The following DIP2C variants were observed in gnomAD, a reference collection of about 807,000 sequenced individuals.
The protein encoded by DIP2C is disco-interacting protein 2 homolog C.
A neutral mutation model predicts 192.4 loss-of-function variants in DIP2C; 33 were observed. The observed-to-expected ratio is 0.17, with a 90% CI of 0.13 to 0.23. The LOEUF is 0.23. DIP2C is among the 10% of genes least tolerant of loss of function. The pLI is 1.00. For synonymous variants in DIP2C, 979 were observed against 864.1 expected, an observed-to-expected ratio of 1.13 and a Z score of -2.33; for missense variants, 1,537 against 2,110.1, an observed-to-expected ratio of 0.73 and a Z score of 5.32.
In DIP2C at chr10:548,208, AC is replaced by A. The variant is rs33930610; in HGVS notation, c.86-61679del. Among the ~76,000 whole-genome samples the A allele has an allele frequency of 4.2e-3, 243 of 58,224 alleles. 5 individuals are homozygous for A. Among genetic ancestry groups the A allele is most frequent in the South Asian group, 6.4e-3 (8 of 1,258 alleles). 38.2% of individuals were successfully genotyped at this position (58,224 alleles called of 152,430 possible). ...AGTCCAATTCACACGAGTCTGCCCC[AC>A]CCCCCCCCCCACAGGAAAGCCCTGG... On this transcript the variant is annotated intron_variant, in intron 1 of 36. Transcript: ENST00000280886.
chr10:435,988 CAATT>C lies in DIP2C; in HGVS notation c.394+4879_394+4882del, dbSNP rs764237712. On this transcript the variant is annotated intron_variant, in intron 4 of 36. Coordinates refer to ENST00000280886, the MANE Select transcript of DIP2C (RefSeq NM_014974.3). ...ATATATATAAATATATAAACAGGTA[CAATT>C]AATTTTATTAATATACTTTTAACTC... is the stretch of plus-strand genomic sequence containing the variant. 4.0e-4 allele frequency among the ~76,000 whole-genome samples: 61 copies of C among 151,856 alleles called. 1 individual carries two copies. The highest frequency in any genetic ancestry group is 2.2e-4 in the African/African-American group (9 of 41,258).
chr10:619,521 A>G (rs1014799277), intron 1 of DIP2C, among the ~76,000 whole-genome samples: 2 of 110,172 alleles, frequency 1.8e-5, no homozygotes, highest in Admixed American at 8.6e-5. Context: ...TGCCAGGGCC[A>G]GGACCAAGCC....
intron 29 of DIP2C, among the ~76,000 whole-genome samples, chr10:336,923 G>A (rs1418761431): frequency 1.5e-4 from 5 of 34,238 alleles, no homozygotes; most frequent in Non-Finnish European, 4.6e-4. Flanking sequence ...TGTGTGTGTT[G>A]TGGAGGCCTA....
chr10:418,801 T>G (rs1278591679), intron 6 of DIP2C, among the ~76,000 whole-genome samples: 1 of 152,204 alleles, frequency 6.6e-6, no homozygotes, highest in Non-Finnish European at 1.5e-5. Context: ...CGGCAGCAAA[T>G]TCTAAAATTT....
At chr10:448,671 T>G (rs1331569752) in intron 3 of DIP2C, among the ~76,000 whole-genome samples, 1 of 99,218 alleles carries the variant, frequency 1.0e-5, no homozygotes, top group Non-Finnish European at 2.0e-5. Context: ...CACTCACCCC[T>G]GTCGATATTC....
intron 1 of DIP2C, among the ~76,000 whole-genome samples, chr10:656,789 T>C (rs1390609995): frequency 2.0e-5 from 3 of 151,982 alleles, no homozygotes; most frequent in Admixed American, 6.6e-5. Flanking sequence ...AAGGACAGAG[T>C]AGATTCCAGA....
intron 9 of DIP2C, among the ~76,000 whole-genome samples, chr10:407,139 T>C (rs149766107): frequency 6.6e-6 from 1 of 152,192 alleles, no homozygotes; most frequent in Non-Finnish European, 1.5e-5. Context: ...CTTTCTCCAT[T>C]GCAATCCCCG....
intron 1 of DIP2C, among the ~76,000 whole-genome samples, chr10:557,918 A>AAGGGGGAAACCCCAG (rs1175862793): frequency 1.2e-3 from 127 of 107,716 alleles, no homozygotes; most frequent in African/African-American, 5.1e-3. Context: ...GGGGGCGGGG[A>AAGGGGGAAACCCCAG]AGGGGGAAAC....
intron 21 of DIP2C, 35 bp from the exon 22 acceptor site, chr10:362,726 G>T: frequency 6.3e-7 from 1 of 1,574,866 alleles, no homozygotes; most frequent in South Asian, 1.2e-5. Flanking sequence ...CATGTTATAA[G>T]AGGAAGTATA....
At chr10:433,074 G>A (rs1014480959) in intron 4 of DIP2C, among the ~76,000 whole-genome samples, 2 of 152,122 alleles carry the variant, frequency 1.3e-5, no homozygotes, top group Non-Finnish European at 2.9e-5. Flanking sequence ...TTCTGTTGTT[G>A]GAGGAAATAG....
chr10:599,432 C>G (rs921812036), intron 1 of DIP2C, among the ~76,000 whole-genome samples: 1 of 152,184 alleles, frequency 6.6e-6, no homozygotes, highest in African/African-American at 2.4e-5. Context: ...CATCAAGATA[C>G]AACTGAACCC....
chr10:485,806 C>A (rs1001052645), intron 2 of DIP2C, among the ~76,000 whole-genome samples: 1 of 152,208 alleles, frequency 6.6e-6, no homozygotes, highest in Non-Finnish European at 1.5e-5. Context: ...ATTCCTCAAG[C>A]CTACCAAATT....
At chr10:594,799 G>A (rs1410295601) in intron 1 of DIP2C, among the ~76,000 whole-genome samples, 2 of 152,116 alleles carry the variant, frequency 1.3e-5, no homozygotes, top group Admixed American at 6.5e-5. Flanking sequence ...GCGGAATCTC[G>A]ACTCTCCGGG....
chr10:554,494 T>C (rs1317868725), intron 1 of DIP2C, among the ~76,000 whole-genome samples: 1 of 152,236 alleles, frequency 6.6e-6, no homozygotes, highest in African/African-American at 2.4e-5. Flanking sequence ...TCAAGGGTGG[T>C]TATAAGTTAT....
rs369070880 is a variant in DIP2C at position 466,475 on chromosome 10, G to A, written c.268+5964C>T. Among the ~76,000 whole-genome samples the A allele has an allele frequency of 7.4e-3, 1,014 of 137,864 alleles. 10 individuals carry two copies. Among genetic ancestry groups the A allele is most frequent in the African/African-American group, 0.019 (691 of 36,748 alleles). 90.4% of individuals were successfully genotyped at this position (137,864 alleles called of 152,430 possible). On this transcript the variant is annotated intron_variant, in intron 3 of 36. Transcript: ENST00000280886. The stretch of plus-strand genomic sequence containing the variant: ...AGGCATTACCATTCAGGACATAGGC[G>A]TGGGCAAGGACTTCATGTCCAAAAC...
chr10:633,279 G>A (rs1385920547), intron 1 of DIP2C, among the ~76,000 whole-genome samples: 1 of 152,230 alleles, frequency 6.6e-6, no homozygotes, highest in Non-Finnish European at 1.5e-5. Flanking sequence ...AAAACCCGGG[G>A]CCGCCTGTGT....
chr10:599,702 T>C (rs1218116698), intron 1 of DIP2C, among the ~76,000 whole-genome samples: 1 of 152,176 alleles, frequency 6.6e-6, no homozygotes, highest in African/African-American at 2.4e-5. Context: ...TCCAGTGCAT[T>C]CGGAGCAAGT....
intron 1 of DIP2C, among the ~76,000 whole-genome samples, chr10:546,768 C>G (rs1298294203): frequency 6.9e-6 from 1 of 144,300 alleles, no homozygotes; most frequent in African/African-American, 2.7e-5. Flanking sequence ...GAGTTATGAG[C>G]AGCTTCCACA....
At chr10:378,921 G>A (rs572721655) in intron 17 of DIP2C, among the ~76,000 whole-genome samples, 11 of 152,346 alleles carry the variant, frequency 7.2e-5, no homozygotes, top group East Asian at 5.8e-4. Context: ...ACAGACATGC[G>A]TGAGGACAGG....
Sources: allele counts gnomAD v4.1 joint callset (sites outside exome capture counted in the v4.1 genomes callset), GRCh38; gene constraint gnomAD v4.1.1; transcripts MANE v1.5; gene names NCBI Gene and HGNC (gene_info 2026-07-23, HGNC 2026-07-21).